ZSCAN5A: variants seen among roughly 807,000 people sequenced by gnomAD.
The protein encoded by ZSCAN5A is zinc finger and SCAN domain containing 5A.
In ZSCAN5A, 12 loss-of-function variants were observed where a neutral mutation model predicts 23.7. That is an observed-to-expected ratio of 0.51 (90% CI 0.32 to 0.82). The LOEUF (loss-of-function observed/expected upper bound fraction) is 0.82. Among genes scored for constraint, ZSCAN5A ranks in the 40% least tolerant of loss-of-function variants. The pLI is 0.03. For synonymous variants in ZSCAN5A, 257 were observed against 239.9 expected (o/e 1.07, Z -0.66); for missense variants, 597 against 617.9 (o/e 0.97, Z 0.36).
rs535577086 is a variant in ZSCAN5A, at chr19:56,353,444, G to A, written c.-358+9791C>T. ...ATTTCTTCCAGTTCCCTCCCTCCAT[G>A]TTGGCTGCACATGACAGTTTTGCTC... is the stretch of plus-strand genomic sequence containing the variant. On this transcript the variant is annotated intron_variant, in intron 2 of 6. Coordinates refer to the ZSCAN5A transcript ENST00000587340. Among the ~76,000 whole-genome samples, 6 of 152,258 alleles carry A rather than the reference G, an allele frequency of 3.9e-5. No homozygotes were observed. The East Asian group carries it at 9.7e-4, about 25-fold the overall frequency.
intron 2 of ZSCAN5A, among the ~76,000 whole-genome samples, chr19:56,275,337 A>G (rs539189009): frequency 1.3e-5 from 2 of 152,230 alleles, no homozygotes; most frequent in African/African-American, 4.8e-5. Flanking sequence ...ATTCATCTAC[A>G]TATATTCAAT....
At chr19:56,280,483 A>G (rs1292382011) in intron 2 of ZSCAN5A, 1 of 152,184 alleles carries the variant, frequency 6.6e-6, no homozygotes, top group Non-Finnish European at 1.5e-5. Flanking sequence ...CTGTAGGATT[A>G]TACATGGAAA....
chr19:56,317,692 T>A (rs943425567), upstream of ZSCAN5A: 5 of 152,684 alleles, frequency 3.3e-5, no homozygotes, highest in African/African-American at 1.2e-4. Flanking sequence ...GCAAAGGTGG[T>A]CTGTGAGAGG....
intron 2 of ZSCAN5A, among the ~76,000 whole-genome samples, chr19:56,287,562 G>A (rs1407893906): frequency 3.3e-5 from 5 of 152,082 alleles, no homozygotes; most frequent in Non-Finnish European, 5.9e-5. Context: ...GAATGCAGCC[G>A]GACTTTATAA....
In ZSCAN5A at chr19:56,221,980, C is replaced by G; in HGVS notation, c.1086G>C (p.Glu362Asp). The change falls in exon 6 of 6, where the codon GAG (glutamate) becomes GAC (aspartate). Residue 362 changes from glutamate (E) to aspartate (D), a missense_variant. This residue lies in a region of ZSCAN5A where 406 missense variants were observed against 353.2 expected (regional missense o/e 1.15). Coordinates refer to ENST00000683990, the MANE Select transcript of ZSCAN5A (RefSeq NM_001322064.3). ...ALPPFACDVC[E>D]KRFTCNSKLV... ...GCTTGGAATTACACGTAAACCTCTT[C>G]TCGCACACGTCACATGCAAAGGGCG... 6.2e-7 allele frequency: 1 copy of G among 1,613,612 alleles called. No homozygotes were observed. The highest frequency in any genetic ancestry group is 8.5e-7 in the Non-Finnish European group (1 of 1,180,036).
At chr19:56,367,669 C>A (rs1315822822) in intron 1 of ZSCAN5A, among the ~76,000 whole-genome samples, 1 of 152,200 alleles carries the variant, frequency 6.6e-6, no homozygotes, top group Non-Finnish European at 1.5e-5. Flanking sequence ...TTAATCCTCG[C>A]AACACTATTA....
chr19:56,290,901 G>A (rs1453758167), intron 2 of ZSCAN5A, among the ~76,000 whole-genome samples: 2 of 152,162 alleles, frequency 1.3e-5, no homozygotes, highest in Non-Finnish European at 1.5e-5. Flanking sequence ...GTGCTGGGAA[G>A]AAGAGGCAAC....
At chr19:56,291,064 C>T (rs973935733) in intron 2 of ZSCAN5A, among the ~76,000 whole-genome samples, 3 of 152,146 alleles carry the variant, frequency 2.0e-5, no homozygotes, top group African/African-American at 4.8e-5. Flanking sequence ...GTCTGGGATA[C>T]GGTGGGTCTG....
At chr19:56,289,620 T>C (rs903427442) in intron 2 of ZSCAN5A, among the ~76,000 whole-genome samples, 1 of 152,118 alleles carries the variant, frequency 6.6e-6, no homozygotes, top group African/African-American at 2.4e-5. Context: ...TTGTTTGTTT[T>C]TGGGTTTTTT....
At chr19:56,288,590 C>T (rs889810511) in intron 2 of ZSCAN5A, among the ~76,000 whole-genome samples, 1 of 152,196 alleles carries the variant, frequency 6.6e-6, no homozygotes, top group Non-Finnish European at 1.5e-5. Context: ...TCTGGCCTGC[C>T]TTGCTTTCCA....
chr19:56,279,671 T>G (rs2038536817), intron 2 of ZSCAN5A, among the ~76,000 whole-genome samples: 1 of 152,136 alleles, frequency 6.6e-6, no homozygotes, highest in Non-Finnish European at 1.5e-5. Flanking sequence ...ACACCAGACT[T>G]GGTGAGCTAA....
chr19:56,366,951 T>C (rs2041771260), intron 1 of ZSCAN5A, among the ~76,000 whole-genome samples: 2 of 152,072 alleles, frequency 1.3e-5, no homozygotes, highest in South Asian at 4.1e-4. Context: ...ATAGGCAAAA[T>C]ACACAGATTG....
intron 2 of ZSCAN5A, among the ~76,000 whole-genome samples, chr19:56,288,186 G>C (rs553458761): frequency 9.8e-5 from 15 of 152,288 alleles, no homozygotes; most frequent in South Asian, 4.1e-4. Flanking sequence ...CTGCCTCACT[G>C]AGCTCCAGAT....
In ZSCAN5A at chr19:56,352,963, G is replaced by T. The variant is rs1195118580; in HGVS notation, c.-358+10272C>A. Among the ~76,000 whole-genome samples, 1 of 152,188 alleles carries T rather than the reference G, an allele frequency of 6.6e-6. No homozygotes were observed. Among genetic ancestry groups the T allele is most frequent in the Non-Finnish European group, 1.5e-5 (1 of 68,034 alleles). ...ACATAATACATTTTCAGGGGGAAGA[G>T]GGCTGTCCTGTGCATTGTAGGATGT... is the stretch of plus-strand genomic sequence containing the variant. On this transcript the variant is annotated intron_variant, in intron 2 of 6. Transcript: ENST00000587340. This position sits in a 1 kb window ranked among gnomAD's most constrained non-coding sequence, Gnocchi z 4.2.
At position 56,314,800 on chromosome 19, in the gene ZSCAN5A, G is replaced by A. The variant is rs1257316502; in HGVS notation, c.-349C>T. The A allele has an allele frequency of 1.3e-5, 2 of 152,338 alleles. No homozygotes were observed. The highest frequency in any genetic ancestry group is 1.3e-4 in the Admixed American group (2 of 15,288). The allele number at this position is 152,338 out of a possible 1,614,324, so 9.4% of individuals were successfully genotyped here. On this transcript the variant is annotated 5_prime_UTR_variant, in exon 1 of 6. Coordinates refer to ENST00000683990, the MANE Select transcript of ZSCAN5A (RefSeq NM_001322064.3). ...AGGACCTGGCGAGTGGGGCCGGGGA[G>A]AGCGGGACGCCTGGATCGGGAACTT...
At chr19:56,272,068 CAAGAAA>C (rs2037889091) in intron 2 of ZSCAN5A, among the ~76,000 whole-genome samples, 1 of 152,150 alleles carries the variant, frequency 6.6e-6, no homozygotes, top group Admixed American at 6.5e-5. Context: ...CTTTATAGAT[CAAGAAA>C]ATGAAGCACA....
At chr19:56,240,210 A>C (rs1200628688) in intron 2 of ZSCAN5A, among the ~76,000 whole-genome samples, 1 of 152,040 alleles carries the variant, frequency 6.6e-6, no homozygotes, top group African/African-American at 2.4e-5. Context: ...AAACAAAAAA[A>C]AACTTGTGGA....
chr19:56,329,008 A>T (rs546866061), intron 2 of ZSCAN5A, among the ~76,000 whole-genome samples: 205 of 146,526 alleles, frequency 1.4e-3, no homozygotes, highest in East Asian at 4.8e-3. Flanking sequence ...AAAAAAAAAA[A>T]ATAAATAAAT....
intron 2 of ZSCAN5A, among the ~76,000 whole-genome samples, chr19:56,270,814 G>A (rs1315000043): frequency 6.6e-6 from 1 of 152,150 alleles, no homozygotes; most frequent in Non-Finnish European, 1.5e-5. Flanking sequence ...AGGGACCAGA[G>A]ATGTTGCTAA....
Sources: allele counts gnomAD v4.1 joint callset (sites outside exome capture counted in the v4.1 genomes callset), GRCh38; gene constraint gnomAD v4.1.1; regional missense constraint gnomAD v4.1.1; non-coding constraint Gnocchi (gnomAD v3.1); transcripts MANE v1.5; gene names NCBI Gene and HGNC (gene_info 2026-07-23, HGNC 2026-07-21).